The following SETD5 variants were observed in gnomAD, a reference collection of about 807,000 sequenced individuals.
The protein encoded by SETD5 is SET domain containing 5.
A neutral mutation model predicts 153.3 loss-of-function variants in SETD5; 44 were observed. The observed-to-expected ratio is 0.29, with a 90% CI of 0.23 to 0.37. The LOEUF is 0.37. SETD5 is among the 10% of genes least tolerant of loss of function. The pLI is 1.00. For synonymous variants in SETD5, 716 were observed against 645.2 expected (o/e 1.11, Z -1.66); for missense variants, 1,544 against 1,768.0 (o/e 0.87, Z 2.27).
At chr3:9,450,158 T>C (rs937984179) in intron 16 of SETD5, among the ~76,000 whole-genome samples, 1 of 152,234 alleles carries the variant, frequency 6.6e-6, no homozygotes, top group Non-Finnish European at 1.5e-5. Flanking sequence ...TGCATTTCTT[T>C]AAGCTTTTTT....
chr3:9,448,365 T>G (rs1383530255), intron 15 of SETD5, 23 bp from the exon 16 acceptor site: 1 of 1,611,376 alleles, frequency 6.2e-7, no homozygotes, highest in Non-Finnish European at 8.5e-7. Context: ...ATTTATAAAC[T>G]AATGATCTCT....
At chr3:9,412,457 C>T (rs930807920) in intron 1 of SETD5, among the ~76,000 whole-genome samples, 2 of 133,588 alleles carry the variant, frequency 1.5e-5, no homozygotes, top group African/African-American at 2.8e-5. Context: ...GGCTAGAGTG[C>T]AGTAGCACAA....
intron 19 of SETD5, 53 bp from the exon 20 acceptor site, chr3:9,473,183 A>G: frequency 6.4e-7 from 1 of 1,554,816 alleles, no homozygotes; most frequent in Non-Finnish European, 8.7e-7. Flanking sequence ...GTGATCCACT[A>G]ATGATATCCA....
intron 3 of SETD5, chr3:9,431,176 G>T (rs1043230866): frequency 7.1e-6 from 7 of 985,268 alleles, no homozygotes; most frequent in Non-Finnish European, 8.4e-6. Context: ...GTGTGTGTTT[G>T]TAGGAAAATT....
chr3:9,449,764 C>T (rs529749214), intron 16 of SETD5, among the ~76,000 whole-genome samples: 1 of 152,186 alleles, frequency 6.6e-6, no homozygotes. Flanking sequence ...GCTGAATGAG[C>T]AGCACATTGC....
chr3:9,475,472 A>G lies in SETD5; in HGVS notation c.3721-11A>G, dbSNP rs772886558. 1 of 1,599,210 alleles carries G rather than the reference A, an allele frequency of 6.3e-7. No individual in the cohort carries two copies. Among genetic ancestry groups the G allele is most frequent in the Non-Finnish European group, 8.6e-7 (1 of 1,169,218 alleles). ...TCGCGTCCTTATTCGTTTCCTCCCA[A>G]CTTTGTCTAGCTCCTGCAGTGTGAT... On this transcript the variant is annotated splice_polypyrimidine_tract_variant and intron_variant, in intron 22 of 22. Coordinates refer to ENST00000402198, the MANE Select transcript of SETD5 (RefSeq NM_001080517.3).
chr3:9,429,514 T>C (rs773647330), intron 3 of SETD5, among the ~76,000 whole-genome samples: 3 of 152,162 alleles, frequency 2.0e-5, no homozygotes, highest in African/African-American at 7.2e-5. Flanking sequence ...TTTTATAATA[T>C]TCGTTGCCTA....
chr3:9,408,000 C>CA (rs35771408), intron 1 of SETD5, among the ~76,000 whole-genome samples: 142,246 of 149,598 alleles, frequency 0.95, 67,823 homozygotes, highest in South Asian at 1. Context: ...AACTATGTCT[C>CA]AAAAAAAAAA....
chr3:9,473,688 G>A (rs924163874), intron 20 of SETD5, 151 bp downstream of exon 20: 11 of 359,702 alleles, frequency 3.1e-5, no homozygotes, highest in Admixed American at 6.4e-5. Flanking sequence ...CTGTTCAGCT[G>A]ATTTAATAAT....
At chr3:9,437,917 C>T (rs868490353) in intron 7 of SETD5, among the ~76,000 whole-genome samples, 1 of 151,558 alleles carries the variant, frequency 6.6e-6, no homozygotes, top group Non-Finnish European at 1.5e-5. Flanking sequence ...GCAGGAGAAT[C>T]GCTTGAACCC....
intron 2 of SETD5, chr3:9,426,130 A>G (rs1010377493): frequency 6.8e-6 from 1 of 146,726 alleles, no homozygotes; most frequent in African/African-American, 2.5e-5. Flanking sequence ...ATGTACTGCC[A>G]AGGTCTCTGT....
At chr3:9,431,369 G>A in intron 3 of SETD5, 15 of 985,256 alleles carry the variant, frequency 1.5e-5, no homozygotes, top group Non-Finnish European at 1.8e-5. Context: ...TCAGTGATAG[G>A]AGAAGAAAGC....
chr3:9,429,899 G>A (rs2039770453), intron 3 of SETD5: 41 of 1,303,780 alleles, frequency 3.1e-5, no homozygotes, highest in Non-Finnish European at 4.0e-5. Flanking sequence ...CAGCGAAAGA[G>A]ACCCAAGGGG....
At chr3:9,407,615 T>A (rs563328225) in intron 1 of SETD5, among the ~76,000 whole-genome samples, 24 of 152,316 alleles carry the variant, frequency 1.6e-4, no homozygotes, top group South Asian at 6.2e-4. Context: ...CTCATTTTTT[T>A]AAAAACACTT....
chr3:9,457,991 T>C lies in SETD5; in HGVS notation c.2476+4123T>C, dbSNP rs538449169. ...TGAGGTGTAAGACGAGCTTCTAGTATGAAGCTAATAGTTAAATTTAGTATA... is the reference window on the plus strand; with the variant it reads ...TGAGGTGTAAGACGAGCTTCTAGTACGAAGCTAATAGTTAAATTTAGTATA... On this transcript the variant is annotated intron_variant, in intron 17 of 22. Transcript: ENST00000402198. Among the ~76,000 whole-genome samples the C allele has an allele frequency of 7.1e-4, 108 of 152,250 alleles. No homozygotes were observed. In the South Asian group the frequency reaches 0.021, roughly 30 times the overall value.
intron 7 of SETD5, among the ~76,000 whole-genome samples, chr3:9,436,173 C>T (rs755550108): frequency 2.6e-5 from 4 of 152,186 alleles, no homozygotes; most frequent in Admixed American, 6.5e-5. Flanking sequence ...GGCACAATCC[C>T]GTATGTGTTG....
Position 9,447,047 on chromosome 3 carries a change from T to C in SETD5, c.1525-3T>C, listed in dbSNP as rs978669841. The C allele has an allele frequency of 4.4e-6, 7 of 1,607,532 alleles. No individual in the cohort carries two copies. The African/African-American group carries it at 9.4e-5, about 22-fold the overall frequency. On this transcript the variant is annotated splice_polypyrimidine_tract_variant and splice_region_variant and intron_variant, in intron 13 of 22. Transcript: ENST00000402198. ...CTTCTACACCAGTACTATCTCTTTC[T>C]AGACCAGGGAAGATAGAAAGGTAGA... is the stretch of plus-strand genomic sequence containing the variant.
In SETD5 at chr3:9,447,031, C is replaced by A. The variant is rs74787011; in HGVS notation, c.1525-19C>A. ...CCTCATTTGAAGCTTCCTTCTACAC[C>A]AGTACTATCTCTTTCTAGACCAGGG... On this transcript the variant is annotated intron_variant, in intron 13 of 22. Coordinates refer to ENST00000402198, the MANE Select transcript of SETD5 (RefSeq NM_001080517.3). 0.038 allele frequency: 60,066 copies of A among 1,586,262 alleles called. 2,050 individuals are homozygous for A. The highest frequency in any genetic ancestry group is 0.15 in the Admixed American group (8,091 of 54,616).
At chr3:9,415,399 G>T (rs2037258505) in intron 1 of SETD5, among the ~76,000 whole-genome samples, 1 of 152,044 alleles carries the variant, frequency 6.6e-6, no homozygotes, top group Non-Finnish European at 1.5e-5. Flanking sequence ...AGGAACTGTT[G>T]AAGGTCCTGG....
Sources: allele counts gnomAD v4.1 joint callset (sites outside exome capture counted in the v4.1 genomes callset), GRCh38; gene constraint gnomAD v4.1.1; transcripts MANE v1.5; gene names NCBI Gene and HGNC (gene_info 2026-07-23, HGNC 2026-07-21).